The following GRIK4 variants were observed in gnomAD, a reference collection of about 807,000 sequenced individuals.
The protein encoded by GRIK4 is glutamate receptor ionotropic, kainate 4.
Under a neutral mutation model 104.9 loss-of-function variants are expected in GRIK4, and 40 were observed. That is an observed-to-expected ratio of 0.38 (90% CI 0.30 to 0.50). GRIK4 has a LOEUF of 0.50. GRIK4 is among the 20% of genes least tolerant of loss of function. GRIK4 has a pLI of 0.93. For missense variants in GRIK4, 1,047 were observed against 1,308.1 expected, an observed-to-expected ratio of 0.80 and a Z score of 3.08; for synonymous variants, 485 against 524.9, an observed-to-expected ratio of 0.92 and a Z score of 1.04.
chr11:120,832,022 C>A lies in GRIK4; in HGVS notation c.682C>A (p.Leu228Ile), dbSNP rs1244989751. Residue 228 changes from leucine to isoleucine, a missense_variant, in exon 7 of 21, where the codon CTC becomes ATC. Leu to Ile is a conservative substitution (Grantham distance 5, BLOSUM62 2). Coordinates refer to ENST00000527524, the MANE Select transcript of GRIK4 (RefSeq NM_014619.5). ...HANASMSHTI[L>I]LKAAELGMVS... The stretch of plus-strand genomic sequence containing the variant: ...CAACGCCTCCATGTCCCACACCATC[C>A]TCCTGAAGGTGGGAGCCTCCCTCTC... The A allele has an allele frequency of 6.2e-7, 1 of 1,608,736 alleles. No individual in the cohort carries two copies. Among genetic ancestry groups the A allele is most frequent in the South Asian group, 1.1e-5 (1 of 90,740 alleles).
intron 11 of GRIK4, among the ~76,000 whole-genome samples, chr11:120,879,386 G>A (rs2135699226): frequency 6.6e-6 from 1 of 152,294 alleles, no homozygotes; most frequent in East Asian, 1.9e-4. Context: ...CTTCCTGTCT[G>A]GATGAGTGAC....
At chr11:120,607,955 GAC>G (rs1401148349) in intron 1 of GRIK4, among the ~76,000 whole-genome samples, 2 of 152,180 alleles carry the variant, frequency 1.3e-5, no homozygotes, top group East Asian at 3.9e-4. Context: ...GATTGGAAAA[GAC>G]AGTGGCTGCC....
At chr11:120,694,839 A>T (rs1045398667) in intron 3 of GRIK4, among the ~76,000 whole-genome samples, 8 of 152,144 alleles carry the variant, frequency 5.3e-5, no homozygotes, top group African/African-American at 1.9e-4. Context: ...GCTTCCCTTT[A>T]TAAAAAGAAG....
At chr11:120,887,004 G>A (rs1955136418) in intron 11 of GRIK4, among the ~76,000 whole-genome samples, 1 of 152,162 alleles carries the variant, frequency 6.6e-6, no homozygotes, top group South Asian at 2.1e-4. Context: ...CCAGTGTCAA[G>A]GAACTCATCA....
At chr11:120,600,009 G>A (rs1240789891) in intron 1 of GRIK4, among the ~76,000 whole-genome samples, 3 of 152,232 alleles carry the variant, frequency 2.0e-5, no homozygotes, top group African/African-American at 7.2e-5. Flanking sequence ...CTAGCATGGG[G>A]CCTGGCGCAT....
intron 1 of GRIK4, among the ~76,000 whole-genome samples, chr11:120,550,242 C>T (rs1390206167): frequency 1.3e-5 from 2 of 150,690 alleles, no homozygotes; most frequent in Non-Finnish European, 2.9e-5. Flanking sequence ...TCCCAGGTTG[C>T]TGCTGCCGCA....
intron 20 of GRIK4, among the ~76,000 whole-genome samples, chr11:120,985,213 TCAG>T (rs1045009882): frequency 2.0e-5 from 3 of 152,162 alleles, no homozygotes; most frequent in African/African-American, 7.2e-5. Context: ...GCAAATGCAC[TCAG>T]CGGCGGCGTG....
chr11:120,966,316 G>C (rs1944382787), intron 18 of GRIK4, among the ~76,000 whole-genome samples: 1 of 152,084 alleles, frequency 6.6e-6, no homozygotes, highest in Non-Finnish European at 1.5e-5. Context: ...GACTTCTCTG[G>C]ATAAACAGTT....
At chr11:120,680,266 T>C (rs1950167574) in intron 3 of GRIK4, among the ~76,000 whole-genome samples, 1 of 152,122 alleles carries the variant, frequency 6.6e-6, no homozygotes, top group African/African-American at 2.4e-5. Flanking sequence ...TTAGTAGAGA[T>C]GGGGTTTTGC....
At chr11:120,840,275 C>T (rs986631256) in intron 8 of GRIK4, among the ~76,000 whole-genome samples, 1 of 152,156 alleles carries the variant, frequency 6.6e-6, no homozygotes, top group Non-Finnish European at 1.5e-5. Context: ...GATGAAGGCA[C>T]ACAGTCAGAG....
chr11:120,775,306 G>GT (rs1952022052), intron 3 of GRIK4, among the ~76,000 whole-genome samples: 1 of 152,198 alleles, frequency 6.6e-6, no homozygotes, highest in South Asian at 2.1e-4. Context: ...GCCCCCCTAA[G>GT]TGGTGAAATG....
At chr11:120,520,666 G>A (rs573223579) in intron 1 of GRIK4, among the ~76,000 whole-genome samples, 200 of 152,356 alleles carry the variant, frequency 1.3e-3, no homozygotes, top group Middle Eastern at 3.4e-3. Flanking sequence ...GGCCTGGCTG[G>A]CTGGCTGGCC....
chr11:120,820,974 G>A (rs1953110155), intron 6 of GRIK4, among the ~76,000 whole-genome samples: 1 of 152,248 alleles, frequency 6.6e-6, no homozygotes, highest in South Asian at 2.1e-4. Context: ...ACTCAGCTGT[G>A]ACCACCCAGT....
At chr11:120,882,047 G>A (rs1954981893) in intron 11 of GRIK4, among the ~76,000 whole-genome samples, 1 of 152,186 alleles carries the variant, frequency 6.6e-6, no homozygotes, top group Non-Finnish European at 1.5e-5. Flanking sequence ...CCTGTCAGAT[G>A]ACATTCTGCA....
intron 3 of GRIK4, among the ~76,000 whole-genome samples, chr11:120,763,049 A>G (rs999065259): frequency 2.6e-5 from 4 of 152,198 alleles, no homozygotes; most frequent in Non-Finnish European, 4.4e-5. Context: ...CTCTGGTAGA[A>G]TTCAGCTGTG....
In GRIK4 at chr11:120,729,215, A is replaced by G. The variant is rs550821271; in HGVS notation, c.82+68815A>G. 5.3e-5 allele frequency among the ~76,000 whole-genome samples: 8 copies of G among 152,352 alleles called. No homozygotes were observed. The East Asian group carries it at 5.8e-4, about 11-fold the overall frequency. ...CTTGGCTATTGTGAATAGAGTTGCA[A>G]TAAACATGGGAGTGCAGATATCTCT... is the stretch of plus-strand genomic sequence containing the variant. On this transcript the variant is annotated intron_variant, in intron 3 of 20. Coordinates refer to ENST00000527524, the MANE Select transcript of GRIK4 (RefSeq NM_014619.5).
intron 1 of GRIK4, among the ~76,000 whole-genome samples, chr11:120,646,213 A>G (rs901224101): frequency 1.1e-4 from 17 of 152,208 alleles, no homozygotes; most frequent in Non-Finnish European, 2.2e-4. Flanking sequence ...GCTGTCAAAC[A>G]TTGAGCACTT....
rs1024312383 is a variant in GRIK4 at position 120,956,588 on chromosome 11, C to T, written c.1701-192C>T. ...CTTTGATTAAAAAAAAGTTTGAGAA[C>T]CATCAACCCAGTTCAACCCACTTAT... is the stretch of plus-strand genomic sequence containing the variant. On this transcript the variant is annotated intron_variant, in intron 15 of 20. Coordinates refer to ENST00000527524, the MANE Select transcript of GRIK4 (RefSeq NM_014619.5). This position sits in a 1 kb window ranked among gnomAD's most constrained non-coding sequence, Gnocchi z 4.6. Among the ~76,000 whole-genome samples the T allele has an allele frequency of 2.0e-5, 3 of 152,142 alleles. No individual in the cohort carries two copies. The highest frequency in any genetic ancestry group is 7.2e-5 in the African/African-American group (3 of 41,432).
chr11:120,721,964 T>G (rs945821322), intron 3 of GRIK4, among the ~76,000 whole-genome samples: 5 of 152,214 alleles, frequency 3.3e-5, no homozygotes, highest in Non-Finnish European at 7.3e-5. Flanking sequence ...AACTCACTTC[T>G]CATGGTGTCT....
Sources: gnomAD v4.1 joint callset for allele counts (sites outside exome capture counted in the v4.1 genomes callset) on GRCh38, gnomAD v4.1.1 for gene constraint, Gnocchi (gnomAD v3.1) non-coding constraint, MANE v1.5 for transcripts, NCBI Gene and HGNC (gene_info 2026-07-23, HGNC 2026-07-21) for gene names.